The following GABRR3 variants were observed in gnomAD, a reference collection of about 807,000 sequenced individuals.
GABRR3 encodes the protein gamma-aminobutyric acid receptor subunit rho-3.
In GABRR3, 29 loss-of-function variants were observed where a neutral mutation model predicts 43.2. The ratio of observed to expected loss-of-function variants is 0.67; its 90% confidence interval spans 0.50 to 0.92. The LOEUF is 0.92. Ranked by LOEUF, GABRR3 falls within the 40% of genes least tolerant of loss-of-function variation. GABRR3 has a pLI of 0.00. For synonymous variants in GABRR3, 206 were observed against 195.9 expected (o/e 1.05, Z -0.43); for missense variants, 576 against 572.3 (o/e 1.01, Z -0.07).
chr3:97,995,919 G>A (rs1160285880), intron 8 of GABRR3, among the ~76,000 whole-genome samples: 1 of 152,154 alleles, frequency 6.6e-6, no homozygotes, highest in Non-Finnish European at 1.5e-5. Flanking sequence ...ATGTTGCTAC[G>A]CATAGTTAGG....
chr3:98,028,747 A>C (rs1249483524), intron 2 of GABRR3, among the ~76,000 whole-genome samples: 1 of 152,182 alleles, frequency 6.6e-6, no homozygotes, highest in African/African-American at 2.4e-5. Flanking sequence ...TTTTAAAACT[A>C]TTCATGTCTA....
intron 2 of GABRR3, among the ~76,000 whole-genome samples, chr3:98,027,995 C>G (rs996628057): frequency 1.3e-5 from 2 of 152,122 alleles, no homozygotes; most frequent in African/African-American, 4.8e-5. Flanking sequence ...AATTTTATCA[C>G]TCCATCATGT....
At chr3:97,985,599 A>G (rs1706374433), downstream of GABRR3, among the ~76,000 whole-genome samples, 1 of 152,134 alleles carries the variant, frequency 6.6e-6, no homozygotes, top group African/African-American at 2.4e-5. Flanking sequence ...ACGCTATTTC[A>G]TATTCATTTT....
chr3:98,008,540 G>C lies in GABRR3; in HGVS notation c.613+416C>G, dbSNP rs1176813726. Among the ~76,000 whole-genome samples the C allele has an allele frequency of 3.3e-5, 5 of 152,264 alleles. No individual in the cohort carries two copies. In the East Asian group the frequency reaches 9.6e-4, roughly 29 times the overall value. On this transcript the variant is annotated intron_variant, in intron 6 of 9. Coordinates refer to ENST00000621172, the Ensembl canonical transcript of GABRR3. ...ATGGGGCTTTGATTAGGGGGTCTAT[G>C]TCTAGAGTCAGATTTTTCTAGGGAA...
chr3:97,990,788 A>G (rs1231347545), intron 9 of GABRR3, among the ~76,000 whole-genome samples: 1 of 151,694 alleles, frequency 6.6e-6, no homozygotes, highest in Non-Finnish European at 1.5e-5. Context: ...GCCTGGGGGG[A>G]GGGGAATATG....
chr3:98,030,159 G>T (rs956853545), intron 2 of GABRR3, among the ~76,000 whole-genome samples: 1 of 151,082 alleles, frequency 6.6e-6, no homozygotes, highest in Non-Finnish European at 1.5e-5. Flanking sequence ...TCATTTTGCA[G>T]GTGGGAGTAT....
intron 7 of GABRR3, among the ~76,000 whole-genome samples, chr3:98,005,061 A>G (rs1022030646): frequency 8.5e-5 from 13 of 152,060 alleles, no homozygotes; most frequent in African/African-American, 3.1e-4. Context: ...TTGATATTTG[A>G]ATACAACTTC....
In GABRR3 at chr3:97,987,443, A is replaced by C. The variant is rs1323831226; in HGVS notation, c.1105-461T>G. On this transcript the variant is annotated intron_variant, in intron 9 of 9. Coordinates refer to ENST00000621172, the Ensembl canonical transcript of GABRR3. ...TTGAAGGTTTTACTCTGAGGAAGAT[A>C]GTGGTTCTCACTAGTTTAGAGCAGT... Among the ~76,000 whole-genome samples the C allele has an allele frequency of 2.6e-5, 4 of 152,364 alleles. No individual in the cohort carries two copies. The East Asian group carries it at 7.7e-4, about 29-fold the overall frequency.
At chr3:98,004,692 C>A (rs1359031073) in intron 7 of GABRR3, among the ~76,000 whole-genome samples, 1 of 149,068 alleles carries the variant, frequency 6.7e-6, no homozygotes, top group Non-Finnish European at 1.5e-5. Flanking sequence ...AAAAAAAAAA[C>A]ACCCTGTTGT....
chr3:98,008,583 G>C (rs1224053474), intron 6 of GABRR3, among the ~76,000 whole-genome samples: 1 of 152,148 alleles, frequency 6.6e-6, no homozygotes, highest in Non-Finnish European at 1.5e-5. Context: ...CTACTTAATG[G>C]AGGATTGTGA....
chr3:98,010,514 T>TA (rs760231817), intron 5 of GABRR3, among the ~76,000 whole-genome samples: 128 of 152,282 alleles, frequency 8.4e-4, no homozygotes, highest in Middle Eastern at 3.4e-3. Context: ...AATCACATTG[T>TA]TAGCAGAAAC....
chr3:97,995,707 G>C (rs1035472369), intron 8 of GABRR3, among the ~76,000 whole-genome samples: 1 of 152,050 alleles, frequency 6.6e-6, no homozygotes, highest in Non-Finnish European at 1.5e-5. Context: ...AGAACTTGAA[G>C]TCAGGAGTAT....
chr3:98,023,122 T>C (rs562932547), intron 3 of GABRR3, among the ~76,000 whole-genome samples: 1 of 152,286 alleles, frequency 6.6e-6, no homozygotes, highest in East Asian at 1.9e-4. Flanking sequence ...TCTGCATTTC[T>C]AACTCCCAGG....
At chr3:98,013,755 A>C (rs1706840841) in intron 4 of GABRR3, among the ~76,000 whole-genome samples, 2 of 152,206 alleles carry the variant, frequency 1.3e-5, no homozygotes, top group South Asian at 4.1e-4. Context: ...AGGGCAAATA[A>C]ACAGAATGGT....
intron 5 of GABRR3, among the ~76,000 whole-genome samples, chr3:98,011,476 C>T (rs764259840): frequency 2.5e-4 from 38 of 152,294 alleles, no homozygotes; most frequent in Non-Finnish European, 5.1e-4. Flanking sequence ...GCCTACTCTT[C>T]TTTTGTATGC....
At chr3:98,021,794 T>G (rs2107246378) in intron 3 of GABRR3, among the ~76,000 whole-genome samples, 1 of 152,298 alleles carries the variant, frequency 6.6e-6, no homozygotes, top group East Asian at 1.9e-4. Context: ...AGATATAGCA[T>G]CTATTTGGTT....
chr3:98,017,802 C>T, intron 3 of GABRR3, 80 bp from the exon 4 acceptor site: 1 of 980,088 alleles, frequency 1.0e-6, no homozygotes. Context: ...GAGATTAATT[C>T]TCTTGGACAG....
At chr3:98,005,543 G>A (rs1706714383) in intron 7 of GABRR3, among the ~76,000 whole-genome samples, 1 of 152,086 alleles carries the variant, frequency 6.6e-6, no homozygotes, top group Non-Finnish European at 1.5e-5. Context: ...TAAGCAGTAA[G>A]TTTTTCCATG....
intron 2 of GABRR3, among the ~76,000 whole-genome samples, chr3:98,026,602 G>GTCATCATCATCATCATTAGCATCA (rs1553720236): frequency 0.049 from 4,934 of 101,524 alleles, 225 homozygotes; most frequent in African/African-American, 0.11. Context: ...AAAGGTGGCT[G>GTCATCATCATCATCATTAGCATCA]TCATCATCAT....
Sources: allele counts gnomAD v4.1 joint callset (sites outside exome capture counted in the v4.1 genomes callset), GRCh38; gene constraint gnomAD v4.1.1; transcripts MANE v1.5; gene names NCBI Gene and HGNC (gene_info 2026-07-23, HGNC 2026-07-21).